ATP6V1C2: variants seen among roughly 807,000 people sequenced by gnomAD.
ATP6V1C2 encodes V-type proton ATPase subunit C 2.
A neutral mutation model predicts 56.8 loss-of-function variants in ATP6V1C2; 45 were observed. That is an observed-to-expected ratio of 0.79 (90% confidence interval 0.62 to 1.02). The LOEUF (loss-of-function observed/expected upper bound fraction) is 1.02. Ranked by LOEUF, ATP6V1C2 falls within the 50% of genes least tolerant of loss-of-function variation. The pLI is 0.00. For missense variants in ATP6V1C2, 463 were observed against 519.7 expected (o/e 0.89, Z 1.06); for synonymous variants, 220 against 201.3 (o/e 1.09, Z -0.79).
rs1166120285 is a variant in ATP6V1C2, at chr2:10,778,558, TTC to T, written c.964-12_964-11del. ...GTGTTCAGCAGGGGTCACCTGGCTC[TTC>T]TGTCTTTGCAGGGCCCCCTGCTGCG... is the stretch of plus-strand genomic sequence containing the variant. On this transcript the variant is annotated splice_polypyrimidine_tract_variant and intron_variant, in intron 11 of 13. Coordinates refer to ENST00000272238, the MANE Select transcript of ATP6V1C2 (RefSeq NM_001039362.2). 8.7e-6 allele frequency: 14 copies of T among 1,613,636 alleles called. No individual in the cohort carries two copies. Among genetic ancestry groups the T allele is most frequent in the East Asian group, 4.5e-5 (2 of 44,876 alleles).
intron 4 of ATP6V1C2, among the ~76,000 whole-genome samples, chr2:10,762,541 G>A (rs2148476496): frequency 6.6e-6 from 1 of 152,274 alleles, no homozygotes; most frequent in South Asian, 2.1e-4. Context: ...TCGTCGTCCT[G>A]TTATCTTCAG....
intron 13 of ATP6V1C2, 129 bp from the exon 14 acceptor site, chr2:10,783,045 T>C (rs1263215358): frequency 1.5e-6 from 1 of 647,416 alleles, no homozygotes; most frequent in African/African-American, 1.8e-5. Flanking sequence ...AGGAGAGGGT[T>C]GGAGGGGTGG....
chr2:10,721,128 C>T (rs1425303441), upstream of ATP6V1C2, among the ~76,000 whole-genome samples: 1 of 152,180 alleles, frequency 6.6e-6, no homozygotes, highest in African/African-American at 2.4e-5. Context: ...TCGCTGTCTA[C>T]GCAGGTGCGT....
At chr2:10,721,920 C>A (rs1014679532) in intron 1 of ATP6V1C2, among the ~76,000 whole-genome samples, 189 bp downstream of exon 1, 9 of 152,236 alleles carry the variant, frequency 5.9e-5, no homozygotes, top group Admixed American at 5.9e-4. Context: ...GTCCCCAGGC[C>A]ATGGGCAGTC....
chr2:10,777,805 G>A (rs1665095533), intron 11 of ATP6V1C2, 83 bp downstream of exon 11: 3 of 1,490,514 alleles, frequency 2.0e-6, no homozygotes, highest in African/African-American at 2.8e-5. Context: ...ATGAATCCTT[G>A]CATTTTTCTG....
In ATP6V1C2 at chr2:10,780,032, C is replaced by G. The variant is rs1047813070; in HGVS notation, c.1061+1363C>G. Among the ~76,000 whole-genome samples the G allele has an allele frequency of 2.6e-5, 4 of 152,098 alleles. No individual in the cohort carries two copies. Among genetic ancestry groups the G allele is most frequent in the Admixed American group, 2.0e-4 (3 of 15,264 alleles). ...GAGACCCTCTGTGTGACCTTCCGGA[C>G]CCCTTCCCCGCCTGCACTGAGGAGC... On this transcript the variant is annotated intron_variant, in intron 12 of 13. Coordinates refer to ENST00000272238, the MANE Select transcript of ATP6V1C2 (RefSeq NM_001039362.2). The surrounding 1 kb of genome is among the most constrained non-coding windows in gnomAD (Gnocchi z 4.1).
rs202167764 is a variant in ATP6V1C2 at position 10,767,096 on chromosome 2, TTA to T, written c.379-1622_379-1621del. On this transcript the variant is annotated intron_variant, in intron 5 of 13. Coordinates refer to ENST00000272238, the MANE Select transcript of ATP6V1C2 (RefSeq NM_001039362.2). The stretch of plus-strand genomic sequence containing the variant: ...TGGCAAAATGTAAAGAGAAAAACAT[TTA>T]GTTTTTATCTTTAAAATCATCACTT... Among the ~76,000 whole-genome samples, 1,033 of 151,952 alleles carry T rather than the reference TTA, an allele frequency of 6.8e-3. 38 individuals are homozygous for T. The highest frequency in any genetic ancestry group is 0.062 in the Admixed American group (946 of 15,230).
At chr2:10,766,789 C>T (rs1047711712) in intron 5 of ATP6V1C2, among the ~76,000 whole-genome samples, 19 of 151,774 alleles carry the variant, frequency 1.3e-4, no homozygotes, top group Non-Finnish European at 2.6e-4. Context: ...TGCATAATGC[C>T]GTATACTATA....
chr2:10,779,707 A>AAGC (rs746755191), intron 12 of ATP6V1C2, among the ~76,000 whole-genome samples: 1 of 145,068 alleles, frequency 6.9e-6, no homozygotes, highest in Non-Finnish European at 1.5e-5. Context: ...AAAAAAAAAA[A>AAGC]CTTCACTGTG....
intron 4 of ATP6V1C2, chr2:10,757,468 A>C (rs1231623245): frequency 2.5e-6 from 1 of 398,444 alleles, no homozygotes; most frequent in Non-Finnish European, 4.4e-6. Context: ...TAGGTTATGC[A>C]TTGTTTGCTG....
chr2:10,783,057 C>T (rs984719429), intron 13 of ATP6V1C2, 117 bp from the exon 14 acceptor site: 3 of 704,344 alleles, frequency 4.3e-6, no homozygotes, highest in African/African-American at 3.6e-5. Flanking sequence ...GAGGGGTGGA[C>T]CACAGCTACG....
At chr2:10,762,840 C>T (rs975278473) in intron 4 of ATP6V1C2, among the ~76,000 whole-genome samples, 1 of 151,998 alleles carries the variant, frequency 6.6e-6, no homozygotes, top group Non-Finnish European at 1.5e-5. Context: ...CCCTGTCCTC[C>T]TCTCCCCTCC....
At chr2:10,752,921 G>C (rs1331744176) in intron 3 of ATP6V1C2, among the ~76,000 whole-genome samples, 3 of 152,132 alleles carry the variant, frequency 2.0e-5, no homozygotes, top group Admixed American at 2.0e-4. Flanking sequence ...ACTTGAACCC[G>C]GGAGGCGGAG....
At chr2:10,765,027 C>T (rs1664143946) in intron 5 of ATP6V1C2, among the ~76,000 whole-genome samples, 1 of 152,040 alleles carries the variant, frequency 6.6e-6, no homozygotes, top group Admixed American at 6.5e-5. Context: ...ATCATCTACT[C>T]CTAGGAACCT....
chr2:10,774,879 A>C lies in ATP6V1C2; in HGVS notation c.730A>C (p.Lys244Gln). ...TTTCAAAACCAAGGCCAAAGAAAAC[A>C]AGTAAGGGTCCTCCAGGTTTGGTTC... ...EDFKTKAKEN[K>Q]FTVREFYYDE... Residue 244 changes from lysine to glutamine, a missense_variant and splice_region_variant, in exon 9 of 14, where the codon AAG (lysine) becomes CAG (glutamine). Lys to Gln is a moderately conservative substitution (Grantham distance 53). Transcript: ENST00000272238. 1 of 1,614,140 alleles carries C rather than the reference A, an allele frequency of 6.2e-7. No homozygotes were observed. Among genetic ancestry groups the C allele is most frequent in the East Asian group, 2.2e-5 (1 of 44,880 alleles).
chr2:10,745,363 T>C (rs1371632806), intron 3 of ATP6V1C2, among the ~76,000 whole-genome samples: 2 of 149,860 alleles, frequency 1.3e-5, no homozygotes, highest in Non-Finnish European at 3.0e-5. Flanking sequence ...TAACCGTTTT[T>C]TTTTTTCTTT....
At chr2:10,721,434 G>A (rs1661348145), upstream of ATP6V1C2, among the ~76,000 whole-genome samples, 1 of 152,230 alleles carries the variant, frequency 6.6e-6, no homozygotes, top group African/African-American at 2.4e-5. Context: ...CCAGGGCCCC[G>A]GCCCTCGCGC....
chr2:10,755,491 C>T (rs1663500213), intron 4 of ATP6V1C2, among the ~76,000 whole-genome samples: 1 of 152,208 alleles, frequency 6.6e-6, no homozygotes, highest in Non-Finnish European at 1.5e-5. Flanking sequence ...TGGTGCACTG[C>T]TTTTAGCTCA....
intron 3 of ATP6V1C2, among the ~76,000 whole-genome samples, chr2:10,740,115 TGCATGC>T: frequency 6.6e-6 from 1 of 151,090 alleles, no homozygotes; most frequent in Non-Finnish European, 1.5e-5. Context: ...AAAAGAAAGT[TGCATGC>T]CCAGAAGTGG....
Sources: allele counts gnomAD v4.1 joint callset (sites outside exome capture counted in the v4.1 genomes callset), GRCh38; gene constraint gnomAD v4.1.1; non-coding constraint Gnocchi (gnomAD v3.1); transcripts MANE v1.5; gene names NCBI Gene and HGNC (gene_info 2026-07-23, HGNC 2026-07-21).